The following RPS6KC1 variants were observed in gnomAD, a reference collection of about 807,000 sequenced individuals.
RPS6KC1 encodes inactive ribosomal protein S6 kinase delta-1.
RPS6KC1 carries 54 observed loss-of-function variants against 103.8 expected under a neutral mutation model. That is an observed-to-expected ratio of 0.52 (90% CI 0.42 to 0.65). The LOEUF (loss-of-function observed/expected upper bound fraction) is 0.65, where lower values mean the gene tolerates loss of function less well. RPS6KC1 is among the 30% of genes least tolerant of loss of function. RPS6KC1 has a pLI of 0.00. For synonymous variants in RPS6KC1, 439 were observed against 438.7 expected (o/e 1.00, Z -0.01); for missense variants, 1,151 against 1,253.8 (o/e 0.92, Z 1.24).
At chr1:213,051,544 A>C in intron 1 of RPS6KC1, 35 bp downstream of exon 1, 1 of 1,484,762 alleles carries the variant, frequency 6.7e-7, no homozygotes, top group Non-Finnish European at 9.3e-7. Flanking sequence ...TAGAGCTTGG[A>C]TTGGGACCTG....
chr1:213,154,138 C>T (rs1204914429), intron 6 of RPS6KC1, among the ~76,000 whole-genome samples: 3 of 102,854 alleles, frequency 2.9e-5, no homozygotes, highest in Non-Finnish European at 5.9e-5. Context: ...TTCTAAGCCA[C>T]CTAAAGCTGG....
At chr1:213,443,181 C>T in the RPS6KC1 span, among the ~76,000 whole-genome samples, 1 of 152,166 alleles carries the variant, frequency 6.6e-6, no homozygotes, top group African/African-American at 2.4e-5. Context: ...TACTTTTCTA[C>T]CTTTTCTAGG....
chr1:213,602,544 A>G, the RPS6KC1 span, among the ~76,000 whole-genome samples: 9 of 152,088 alleles, frequency 5.9e-5, no homozygotes, highest in African/African-American at 2.2e-4. Context: ...GGTGTTTCTA[A>G]CATAAAAATC....
the RPS6KC1 span, among the ~76,000 whole-genome samples, chr1:213,326,220 GAAA>G: frequency 6.6e-6 from 1 of 151,136 alleles, no homozygotes; most frequent in Non-Finnish European, 1.5e-5. Context: ...AAAGAAAAAA[GAAA>G]AAAAAGACAG....
At chr1:213,743,787 A>G in the RPS6KC1 span, among the ~76,000 whole-genome samples, 1 of 152,188 alleles carries the variant, frequency 6.6e-6, no homozygotes, top group African/African-American at 2.4e-5. Context: ...TGGAAACTCA[A>G]TGAGAAGTGA....
chr1:213,314,382 C>A, the RPS6KC1 span, among the ~76,000 whole-genome samples: 1 of 152,200 alleles, frequency 6.6e-6, no homozygotes, highest in Non-Finnish European at 1.5e-5. Context: ...TCCACCCTAC[C>A]AGTAAATTGT....
chr1:213,800,161 T>TG, the RPS6KC1 span, among the ~76,000 whole-genome samples: 2 of 151,860 alleles, frequency 1.3e-5, no homozygotes, highest in South Asian at 4.2e-4. Context: ...TTTAGCAGGG[T>TG]GGGGGTGAGG....
chr1:213,654,427 GA>G, the RPS6KC1 span, among the ~76,000 whole-genome samples: 1 of 152,174 alleles, frequency 6.6e-6, no homozygotes, highest in Non-Finnish European at 1.5e-5. Flanking sequence ...TCTGGTTAAG[GA>G]GGCGACTTTG....
chr1:213,231,097 A>T (rs921527339), intron 9 of RPS6KC1, among the ~76,000 whole-genome samples: 13 of 152,122 alleles, frequency 8.5e-5, no homozygotes, highest in African/African-American at 3.1e-4. Flanking sequence ...GATACAGAGT[A>T]TGGAGGAAAT....
At chr1:213,397,547 G>A in the RPS6KC1 span, among the ~76,000 whole-genome samples, 1 of 150,370 alleles carries the variant, frequency 6.7e-6, no homozygotes, top group Non-Finnish European at 1.5e-5. Context: ...GGAATCTGGG[G>A]TGTGAGGGGT....
the RPS6KC1 span, among the ~76,000 whole-genome samples, chr1:213,762,757 T>C: frequency 6.6e-6 from 1 of 152,188 alleles, no homozygotes; most frequent in African/African-American, 2.4e-5. Context: ...AGGACCTTTT[T>C]TGAACAAATA....
chr1:213,374,343 A>C, the RPS6KC1 span, among the ~76,000 whole-genome samples: 1 of 152,220 alleles, frequency 6.6e-6, no homozygotes, highest in Non-Finnish European at 1.5e-5. Flanking sequence ...TATTTATCCC[A>C]GTGTTTTCAA....
chr1:213,335,412 G>T, the RPS6KC1 span, among the ~76,000 whole-genome samples: 3 of 152,164 alleles, frequency 2.0e-5, no homozygotes, highest in Non-Finnish European at 4.4e-5. Context: ...ATCATCAGGG[G>T]TCAACTTCTA....
chr1:213,613,699 G>A, the RPS6KC1 span, among the ~76,000 whole-genome samples: 8,714 of 152,254 alleles, frequency 0.057, 814 homozygotes, highest in African/African-American at 0.2. Context: ...CTTGCTGCAC[G>A]TGACCACAGT....
At chr1:213,634,247 A>G in the RPS6KC1 span, among the ~76,000 whole-genome samples, 4 of 152,090 alleles carry the variant, frequency 2.6e-5, no homozygotes. Context: ...CATCTACAGA[A>G]CTCTCCACCC....
At chr1:213,299,754 TG>T in the RPS6KC1 span, among the ~76,000 whole-genome samples, 1 of 152,196 alleles carries the variant, frequency 6.6e-6, no homozygotes, top group South Asian at 2.1e-4. Flanking sequence ...CAAGGTCCAG[TG>T]TAAGTTTCAT....
the RPS6KC1 span, among the ~76,000 whole-genome samples, chr1:213,706,455 G>A: frequency 2.6e-5 from 4 of 152,108 alleles, no homozygotes; most frequent in Non-Finnish European, 5.9e-5. Context: ...GGGAGGGGTG[G>A]TATCAGTGAT....
intron 8 of RPS6KC1, among the ~76,000 whole-genome samples, chr1:213,192,535 G>A (rs945700940): frequency 6.6e-6 from 1 of 152,018 alleles, no homozygotes; most frequent in African/African-American, 2.4e-5. Flanking sequence ...TTTTTATTAT[G>A]CTTTCAATCT....
At chr1:213,345,926 G>A in the RPS6KC1 span, among the ~76,000 whole-genome samples, 1 of 152,230 alleles carries the variant, frequency 6.6e-6, no homozygotes, top group African/African-American at 2.4e-5. Context: ...TCCTGTCTTA[G>A]CAGCTGTCTA....
Sources: gnomAD v4.1 joint callset for allele counts (sites outside exome capture counted in the v4.1 genomes callset) on GRCh38, gnomAD v4.1.1 for gene constraint, MANE v1.5 for transcripts, NCBI Gene and HGNC (gene_info 2026-07-23, HGNC 2026-07-21) for gene names.